The following C8A variants were observed in gnomAD, a reference collection of about 807,000 sequenced individuals.
C8A encodes complement component C8 alpha chain.
In C8A, 67 loss-of-function variants were observed where a neutral mutation model predicts 65.3. That is an observed-to-expected ratio of 1.03 (90% CI 0.84 to 1.26). The LOEUF (loss-of-function observed/expected upper bound fraction) is 1.26, where lower values mean the gene tolerates loss of function less well. Ranked by LOEUF, C8A falls within the 50% of genes most tolerant of loss-of-function variation. The pLI is 0.00. For synonymous variants in C8A, 290 were observed against 259.4 expected (o/e 1.12, Z -1.13); for missense variants, 781 against 723.9 (o/e 1.08, Z -0.90).
intron 1 of C8A, among the ~76,000 whole-genome samples, chr1:56,861,343 G>C (rs1644031498): frequency 1.3e-5 from 2 of 152,138 alleles, no homozygotes; most frequent in African/African-American, 4.8e-5. Flanking sequence ...ACATGGCAGA[G>C]AAGGTAAAAA....
In C8A at chr1:56,906,804, G is replaced by T; in HGVS notation, c.1222+12G>T. 2 of 1,613,996 alleles carry T rather than the reference G, an allele frequency of 1.2e-6. No individual in the cohort carries two copies. Among genetic ancestry groups the T allele is most frequent in the South Asian group, 2.2e-5 (2 of 91,080 alleles). ...AGGTGGCAAAACTGGCAAGTGTTTA[G>T]TAATAGATCTCCCAAAAAGAGAAGC... On this transcript the variant is annotated intron_variant, in intron 8 of 10. Coordinates refer to ENST00000361249, the MANE Select transcript of C8A (RefSeq NM_000562.3).
At position 56,917,920 on chromosome 1, in the gene C8A, A is replaced by G; in HGVS notation, c.*204A>G. 1.7e-6 allele frequency: 1 copy of G among 585,224 alleles called. No homozygotes were observed. The highest frequency in any genetic ancestry group is 3.1e-5 in the East Asian group (1 of 32,786). 36.3% of individuals were successfully genotyped at this position (585,224 alleles called of 1,614,324 possible). A position where few individuals can be genotyped will look rare whatever the true frequency, so the allele number is the denominator to read the frequency against. ...CAAAACTCAATCATTTTATTCAGCA[A>G]CTGGATGTTGACTGTTAACTAGAAG... On this transcript the variant is annotated 3_prime_UTR_variant, in exon 11 of 11. Coordinates refer to ENST00000361249, the MANE Select transcript of C8A (RefSeq NM_000562.3).
At chr1:56,894,646 C>T (rs1644374354) in intron 7 of C8A, among the ~76,000 whole-genome samples, 1 of 152,146 alleles carries the variant, frequency 6.6e-6, no homozygotes, top group Admixed American at 6.6e-5. Flanking sequence ...AAAGTTAATG[C>T]CAATTATAGC....
At chr1:56,866,529 TG>T (rs1243596082) in intron 1 of C8A, among the ~76,000 whole-genome samples, 1 of 152,162 alleles carries the variant, frequency 6.6e-6, no homozygotes, top group Non-Finnish European at 1.5e-5. Context: ...TCAACTTAGG[TG>T]TCATTATTCA....
rs1643956920 is a variant in C8A at position 56,854,797 on chromosome 1, A to G, written c.-105A>G. ...TGTATCTGGGTGAGTTTCCAACATC[A>G]GATAGATCTTACAGGTCCCAGCCTG... On this transcript the variant is annotated 5_prime_UTR_variant, in exon 1 of 11. Coordinates refer to ENST00000361249, the MANE Select transcript of C8A (RefSeq NM_000562.3). The G allele has an allele frequency of 1.1e-6, 1 of 898,684 alleles. No individual in the cohort carries two copies. The highest frequency in any genetic ancestry group is 1.8e-6 in the Non-Finnish European group (1 of 551,542). The allele number at this position is 898,684 out of a possible 1,614,324, so 55.7% of individuals were successfully genotyped here.
intron 1 of C8A, among the ~76,000 whole-genome samples, chr1:56,856,858 T>C (rs903266648): frequency 1.3e-5 from 2 of 151,778 alleles, no homozygotes. Context: ...ATCTTAAAAA[T>C]GTGTTATTTG....
intron 7 of C8A, among the ~76,000 whole-genome samples, chr1:56,897,842 A>G (rs1157594064): frequency 6.6e-6 from 1 of 152,128 alleles, no homozygotes; most frequent in Admixed American, 6.6e-5. Flanking sequence ...CTCACTGAGC[A>G]CCCGTGATTT....
At chr1:56,873,786 C>T (rs1479509536) in intron 2 of C8A, among the ~76,000 whole-genome samples, 1 of 152,126 alleles carries the variant, frequency 6.6e-6, no homozygotes, top group Non-Finnish European at 1.5e-5. Flanking sequence ...TGTGTGTTTG[C>T]TATCTGCACT....
chr1:56,913,518 C>T (rs1644526797), intron 10 of C8A, among the ~76,000 whole-genome samples: 1 of 152,120 alleles, frequency 6.6e-6, no homozygotes, highest in African/African-American at 2.4e-5. Context: ...GATGTGAATC[C>T]CAGATACTTT....
intron 7 of C8A, among the ~76,000 whole-genome samples, chr1:56,890,962 G>A (rs1455175484): frequency 6.6e-6 from 1 of 151,768 alleles, no homozygotes; most frequent in South Asian, 2.1e-4. Flanking sequence ...AATCATTTTT[G>A]TTTATTACTG....
chr1:56,884,269 G>T (rs1019547900), intron 6 of C8A, among the ~76,000 whole-genome samples: 1 of 152,078 alleles, frequency 6.6e-6, no homozygotes, highest in South Asian at 2.1e-4. Flanking sequence ...CATGTGCGAG[G>T]GCCTGGAGAT....
At chr1:56,883,942 G>T (rs912395316) in intron 6 of C8A, among the ~76,000 whole-genome samples, 1 of 151,698 alleles carries the variant, frequency 6.6e-6, no homozygotes, top group Non-Finnish European at 1.5e-5. Flanking sequence ...ATGGTTACCT[G>T]GAGCATATAG....
intron 10 of C8A, among the ~76,000 whole-genome samples, chr1:56,915,929 A>G (rs182968603): frequency 6.6e-6 from 1 of 152,200 alleles, no homozygotes; most frequent in African/African-American, 2.4e-5. Flanking sequence ...ATGGTTATCA[A>G]TCTGGCCTGG....
intron 7 of C8A, among the ~76,000 whole-genome samples, chr1:56,889,176 CT>C (rs1644325207): frequency 6.6e-6 from 1 of 152,010 alleles, no homozygotes; most frequent in South Asian, 2.1e-4. Context: ...GCACAATTTG[CT>C]ATTTGTGAAG....
At chr1:56,910,850 A>G (rs1372621927) in intron 9 of C8A, among the ~76,000 whole-genome samples, 1 of 152,166 alleles carries the variant, frequency 6.6e-6, no homozygotes, top group Non-Finnish European at 1.5e-5. Flanking sequence ...GACTACCGTA[A>G]TGTGGCTCAG....
At chr1:56,881,064 G>T (rs1322737925) in intron 4 of C8A, among the ~76,000 whole-genome samples, 2 of 152,150 alleles carry the variant, frequency 1.3e-5, no homozygotes, top group African/African-American at 4.8e-5. Context: ...TAGATGATCT[G>T]GGTAAAGGAA....
intron 7 of C8A, among the ~76,000 whole-genome samples, chr1:56,894,893 T>G (rs1644376480): frequency 6.6e-6 from 1 of 152,162 alleles, no homozygotes; most frequent in African/African-American, 2.4e-5. Flanking sequence ...CCAAATTGGT[T>G]ACCACCCAAA....
chr1:56,909,576 G>T (rs1557715690), intron 9 of C8A, among the ~76,000 whole-genome samples: 1 of 152,180 alleles, frequency 6.6e-6, no homozygotes. Context: ...AGGTGAACTT[G>T]GTGTTTGCCT....
chr1:56,865,717 T>C (rs1644079298), intron 1 of C8A, among the ~76,000 whole-genome samples: 1 of 152,166 alleles, frequency 6.6e-6, no homozygotes, highest in Non-Finnish European at 1.5e-5. Context: ...GGAAAACAAA[T>C]AACATTACTT....
Sources: gnomAD v4.1 joint callset for allele counts (sites outside exome capture counted in the v4.1 genomes callset) on GRCh38, gnomAD v4.1.1 for gene constraint, MANE v1.5 for transcripts, NCBI Gene and HGNC (gene_info 2026-07-23, HGNC 2026-07-21) for gene names.